Variants in CHLSN observed in about 807,000 individuals in gnomAD.
CHLSN encodes cholesin.
the CHLSN span, among the ~76,000 whole-genome samples, chr7:1,040,049 G>A: frequency 0.074 from 9,968 of 135,160 alleles, 1,260 homozygotes; most frequent in African/African-American, 0.24. Flanking sequence ...AGGCTGCAGG[G>A]TCCTCTGCCT....
the CHLSN span, among the ~76,000 whole-genome samples, chr7:1,122,989 C>G: frequency 6.6e-6 from 1 of 152,168 alleles, no homozygotes; most frequent in Non-Finnish European, 1.5e-5. Flanking sequence ...TTCCTCCTGC[C>G]GGGCCACCAC....
At chr7:1,009,287 G>A in the CHLSN span, among the ~76,000 whole-genome samples, 103 of 152,296 alleles carry the variant, frequency 6.8e-4, no homozygotes, top group South Asian at 7.0e-3. Context: ...AGCCAGCCAC[G>A]TGGACGCCGT....
At chr7:1,051,258 C>T in the CHLSN span, among the ~76,000 whole-genome samples, 1 of 152,244 alleles carries the variant, frequency 6.6e-6, no homozygotes, top group Non-Finnish European at 1.5e-5. Flanking sequence ...TCTCAGGATT[C>T]CTGTGTGGAA....
chr7:1,092,443 C>A, the CHLSN span: 1 of 1,608,222 alleles, frequency 6.2e-7, no homozygotes, highest in Non-Finnish European at 8.5e-7. Context: ...CCTCATTGTC[C>A]GGGTGCTGGT....
the CHLSN span, among the ~76,000 whole-genome samples, chr7:1,013,891 G>A: frequency 2.0e-5 from 3 of 152,192 alleles, no homozygotes; most frequent in South Asian, 2.1e-4. Flanking sequence ...TGTCTCCTGC[G>A]GTTAGATGTC....
chr7:1,098,404 G>A, the CHLSN span, among the ~76,000 whole-genome samples: 958 of 152,292 alleles, frequency 6.3e-3, 11 homozygotes, highest in African/African-American at 0.022. Flanking sequence ...ACGGAGAAAC[G>A]AAATCAATCT....
At chr7:1,119,283 A>C in the CHLSN span, among the ~76,000 whole-genome samples, 2,235 of 152,042 alleles carry the variant, frequency 0.015, 54 homozygotes, top group African/African-American at 0.051. Flanking sequence ...ACAAAAAACA[A>C]ATCAAAAACG....
chr7:1,079,989 C>A, the CHLSN span, among the ~76,000 whole-genome samples: 2 of 152,262 alleles, frequency 1.3e-5, no homozygotes, highest in Non-Finnish European at 2.9e-5. Context: ...ACGAGTCCCA[C>A]AAGCCCCTGG....
At chr7:984,718 A>T in the CHLSN span, 1 of 1,271,498 alleles carries the variant, frequency 7.9e-7, no homozygotes, top group South Asian at 1.5e-5. Flanking sequence ...GCTGGTGCTG[A>T]GAAGGGCCAG....
the CHLSN span, chr7:988,576 C>T: frequency 1.9e-6 from 3 of 1,597,970 alleles, no homozygotes; most frequent in Non-Finnish European, 2.6e-6. Context: ...AGGTCCCCAC[C>T]CCTCCCCTCC....
the CHLSN span, among the ~76,000 whole-genome samples, chr7:1,017,123 C>T: frequency 1.3e-5 from 2 of 152,220 alleles, no homozygotes; most frequent in East Asian, 1.9e-4. Context: ...GAGGGCCACG[C>T]GGGCCCAGAG....
At chr7:997,547 C>T in the CHLSN span, 1 of 1,279,596 alleles carries the variant, frequency 7.8e-7, no homozygotes, top group Non-Finnish European at 1.0e-6. Flanking sequence ...ACCCGGCCCC[C>T]ACCGCCGGAG....
chr7:1,057,907 G>A, the CHLSN span: 18 of 775,690 alleles, frequency 2.3e-5, no homozygotes, highest in South Asian at 8.0e-5. Context: ...TACATCGAGC[G>A]TGCACTGCCG....
chr7:1,049,957 C>T, the CHLSN span, among the ~76,000 whole-genome samples: 816 of 152,304 alleles, frequency 5.4e-3, 9 homozygotes, highest in African/African-American at 0.019. Context: ...CACCCCACCC[C>T]ACCCCAACAA....
the CHLSN span, among the ~76,000 whole-genome samples, chr7:1,039,919 T>A: frequency 1.2e-5 from 1 of 82,202 alleles, no homozygotes; most frequent in East Asian, 2.5e-4. Context: ...CACTCAGGGT[T>A]AAATGGATTA....
At chr7:1,057,812 C>T in the CHLSN span, 21 of 776,816 alleles carry the variant, frequency 2.7e-5, no homozygotes, top group African/African-American at 5.1e-5. Context: ...GTGTGGGCGG[C>T]GAAGTCCACG....
the CHLSN span, among the ~76,000 whole-genome samples, chr7:1,061,787 C>T: frequency 6.8e-6 from 1 of 146,492 alleles, no homozygotes; most frequent in East Asian, 1.9e-4. Flanking sequence ...CTCCCCAATT[C>T]TTCCAGGCAG....
the CHLSN span, among the ~76,000 whole-genome samples, chr7:1,083,736 A>T: frequency 1.3e-5 from 2 of 152,144 alleles, no homozygotes; most frequent in Admixed American, 6.5e-5. Flanking sequence ...TGGTCTGCAC[A>T]CACCCACCGT....
the CHLSN span, among the ~76,000 whole-genome samples, chr7:1,036,511 G>A: frequency 1.3e-5 from 2 of 152,030 alleles, no homozygotes; most frequent in South Asian, 2.1e-4. Flanking sequence ...TCGGGTGCTC[G>A]TGGTGTGGCC....
Sources: gnomAD v4.1 joint callset for allele counts (sites outside exome capture counted in the v4.1 genomes callset) on GRCh38, gnomAD v4.1.1 for gene constraint, MANE v1.5 for transcripts, NCBI Gene and HGNC (gene_info 2026-07-23, HGNC 2026-07-21) for gene names.